TIMELESS: variants seen among roughly 807,000 people sequenced by gnomAD.
The protein encoded by TIMELESS is timeless circadian regulator, also known as protein timeless homolog.
In TIMELESS, 124 loss-of-function variants were observed where a neutral mutation model predicts 164.3. That is an observed-to-expected ratio of 0.75 (90% confidence interval 0.65 to 0.88). The LOEUF (loss-of-function observed/expected upper bound fraction) is 0.88. TIMELESS is among the 40% of genes least tolerant of loss of function. TIMELESS has a pLI of 0.00. For missense variants in TIMELESS, 1,422 were observed against 1,491.4 expected (o/e 0.95, Z 0.77); for synonymous variants, 564 against 563.4 (o/e 1.00, Z -0.02).
intron 1 of TIMELESS, among the ~76,000 whole-genome samples, chr12:56,436,175 T>C (rs962590806): frequency 1.3e-5 from 2 of 152,082 alleles, no homozygotes; most frequent in Non-Finnish European, 2.9e-5. Flanking sequence ...AAGTCTTGGC[T>C]GGGCGTAGTA....
chr12:56,435,532 A>C (rs1163085903), intron 1 of TIMELESS, among the ~76,000 whole-genome samples: 1 of 152,120 alleles, frequency 6.6e-6, no homozygotes, highest in Non-Finnish European at 1.5e-5. Flanking sequence ...CCTTTTAAAA[A>C]ATTTTTGTAG....
chr12:56,433,608 T>C lies in TIMELESS; in HGVS notation c.296A>G (p.Asn99Ser). 6.2e-7 allele frequency: 1 copy of C among 1,614,164 alleles called. No individual in the cohort carries two copies. Among genetic ancestry groups the C allele is most frequent in the East Asian group, 2.2e-5 (1 of 44,886 alleles). ...LTQPALLCFG[N>S]LPKEPSFRHH... ...CCGAAAGCTGGGCTCCTTAGGCAGA[T>C]TGCCAAAACAGAGCAAGGCTGGTTG... is the stretch of plus-strand genomic sequence containing the variant. The change falls in exon 4 of 29, where the codon AAT (asparagine) becomes AGT (serine). Residue 99 changes from asparagine to serine, a missense_variant. Transcript: ENST00000553532.
At chr12:56,424,263 T>G (rs1174518411) in intron 15 of TIMELESS, among the ~76,000 whole-genome samples, 1 of 152,208 alleles carries the variant, frequency 6.6e-6, no homozygotes, top group African/African-American at 2.4e-5. Flanking sequence ...ATTTCATTTT[T>G]GTAAAACAAG....
At position 56,421,967 on chromosome 12, in the gene TIMELESS, T is replaced by C. The variant is rs1332515047; in HGVS notation, c.2574A>G (p.Arg858=). ...GATGGTGGATGATCTGCTTGCGTGT[T>C]CGAGGAACAGTATTCAGGTGGGCCA... The part of the protein sequence containing the change: ...AILAHLNTVP[R]TRKQIIHHLV... Residue 858 remains arginine, a synonymous_variant, in exon 21 of 29, where the codon CGA becomes CGG. Transcript: ENST00000553532. The C allele has an allele frequency of 8.1e-6, 13 of 1,614,150 alleles. No homozygotes were observed. The highest frequency in any genetic ancestry group is 1.1e-5 in the Non-Finnish European group (13 of 1,180,034).
intron 1 of TIMELESS, among the ~76,000 whole-genome samples, chr12:56,442,922 C>T (rs948006267): frequency 6.6e-6 from 1 of 152,182 alleles, no homozygotes; most frequent in Non-Finnish European, 1.5e-5. Context: ...TATCACTTCC[C>T]CAATCAATAC....
chr12:56,423,553 C>G, intron 17 of TIMELESS, 31 bp downstream of exon 17: 4 of 1,613,542 alleles, frequency 2.5e-6, no homozygotes, highest in Non-Finnish European at 3.4e-6. Flanking sequence ...AATCGCCACT[C>G]TAGGACCAAC....
intron 18 of TIMELESS, 100 bp downstream of exon 18, chr12:56,423,174 G>C: frequency 6.8e-7 from 1 of 1,466,006 alleles, no homozygotes; most frequent in Non-Finnish European, 9.3e-7. Flanking sequence ...CCATCTCCCA[G>C]CCCTTGACAC....
At position 56,425,970 on chromosome 12, in the gene TIMELESS, C is replaced by T. The variant is rs115827910; in HGVS notation, c.1579-818G>A. Among the ~76,000 whole-genome samples the T allele has an allele frequency of 2.5e-3, 374 of 152,222 alleles. 1 individual carries two copies. Among genetic ancestry groups the T allele is most frequent in the African/African-American group, 8.8e-3 (365 of 41,538 alleles). On this transcript the variant is annotated intron_variant, in intron 13 of 28. Transcript: ENST00000553532. ...CTTCTCCCAAGTCAGGGCTGTGAAC[C>T]AGTCTTTGGTGTGGGTACTGAAAAG...
intron 1 of TIMELESS, 60 bp from the exon 2 acceptor site, chr12:56,434,291 C>T: frequency 1.3e-6 from 1 of 772,898 alleles, no homozygotes; most frequent in African/African-American, 1.7e-5. Flanking sequence ...AAGATAGGAA[C>T]AGGACGAGGC....
chr12:56,430,304 T>C (rs1157222360), intron 9 of TIMELESS, 23 bp from the exon 10 acceptor site: 22 of 1,603,658 alleles, frequency 1.4e-5, no homozygotes, highest in African/African-American at 1.2e-4. Context: ...GTTGGGGGAT[T>C]AGAATTACTC....
rs200957081 is a variant in TIMELESS at position 56,428,884 on chromosome 12, G to A, written c.1303C>T (p.Arg435Trp). 325 of 1,613,222 alleles carry A rather than the reference G, an allele frequency of 2.0e-4. No homozygotes were observed. The highest frequency in any genetic ancestry group is 2.6e-4 in the Non-Finnish European group (302 of 1,179,926). ...DRKEAASWAR[R>W]MHLALKAYQE... ...ATCTCCAGTAACCATCCCACTCACC[G>A]GCGTGCCCAGGAGGCAGCTTCCTTG... Residue 435 changes from arginine (R) to tryptophan (W), a missense_variant and splice_region_variant, in exon 11 of 29, where the codon CGG (arginine) becomes TGG (tryptophan). Arg to Trp is a moderately radical substitution (Grantham distance 101, BLOSUM62 -3). Transcript: ENST00000553532.
Position 56,429,062 on chromosome 12 carries a change from C to A in TIMELESS, c.1125G>T (p.Glu375Asp). 6.2e-7 allele frequency: 1 copy of A among 1,613,996 alleles called. No homozygotes were observed. Among genetic ancestry groups the A allele is most frequent in the South Asian group, 1.1e-5 (1 of 91,074 alleles). The change falls in exon 11 of 29, where the codon GAG becomes GAT. Residue 375 changes from glutamate to aspartate, a missense_variant. Glu to Asp is a conservative substitution (Grantham distance 45). Coordinates refer to ENST00000553532, the MANE Select transcript of TIMELESS (RefSeq NM_003920.5). ...LLREKAQQHD[E>D]TYYMWALAFF... ...AAGCCAAGGCCCACATATAATAGGT[C>A]TCATCATGCTGCTGAGCTTTCTCCC...
chr12:56,421,357 G>C lies in TIMELESS; in HGVS notation c.2862C>G (p.Ser954=), dbSNP rs201679897. 612 of 1,613,806 alleles carry C rather than the reference G, an allele frequency of 3.8e-4. 1 individual carries two copies. Among genetic ancestry groups the C allele is most frequent in the Non-Finnish European group, 4.6e-4 (539 of 1,179,828 alleles). The part of the protein sequence containing the change: ...YKKRQKKLAS[S]ILPNGAESLK... ...GCTAGGGTCAGATTGTTACCAAGAT[G>C]GAGGATGCCAACTTTTTCTGCCGTT... Residue 954 remains serine, a synonymous_variant, in exon 23 of 29, where the codon TCC becomes TCG. Coordinates refer to ENST00000553532, the MANE Select transcript of TIMELESS (RefSeq NM_003920.5).
At chr12:56,441,131 T>A (rs1868268956) in intron 1 of TIMELESS, among the ~76,000 whole-genome samples, 1 of 152,190 alleles carries the variant, frequency 6.6e-6, no homozygotes, top group Non-Finnish European at 1.5e-5. Context: ...GTTTGTTGAA[T>A]CTAATGATGA....
intron 1 of TIMELESS, among the ~76,000 whole-genome samples, chr12:56,436,411 G>A (rs1288110975): frequency 4.0e-5 from 6 of 151,332 alleles, no homozygotes; most frequent in South Asian, 4.2e-4. Context: ...CCGAGATCAC[G>A]CCACCACACT....
rs140450050 is a variant in TIMELESS, at chr12:56,424,850, C to T, written c.1780G>A (p.Glu594Lys). 2.0e-4 allele frequency: 325 copies of T among 1,614,246 alleles called. No homozygotes were observed. Among genetic ancestry groups the T allele is most frequent in the Non-Finnish European group, 2.6e-4 (307 of 1,180,050 alleles). ...CGTACCATAGCTTCTGCCCGCTGCT[C>T]CTCCACTGGCACCTCTGAGGCCGCA... is the stretch of plus-strand genomic sequence containing the variant. ...FDAASEVPVEEQRAEAMVRIQ... is the reference protein window; with the variant it reads ...FDAASEVPVEKQRAEAMVRIQ... The change falls in exon 15 of 29, where the codon GAG (glutamate) becomes AAG (lysine). Residue 594 changes from glutamate to lysine, a missense_variant. Glu to Lys is a moderately conservative substitution (Grantham distance 56, BLOSUM62 1). Coordinates refer to ENST00000553532, the MANE Select transcript of TIMELESS (RefSeq NM_003920.5).
At chr12:56,420,033 T>A (rs868267527) in intron 26 of TIMELESS, among the ~76,000 whole-genome samples, 1,140 of 34,626 alleles carry the variant, frequency 0.033, no homozygotes, top group South Asian at 0.044. Context: ...AAAAAAAATA[T>A]ATATATATAT....
chr12:56,447,905 A>G (rs1405508040), intron 1 of TIMELESS, among the ~76,000 whole-genome samples: 1 of 152,078 alleles, frequency 6.6e-6, no homozygotes, highest in Middle Eastern at 3.2e-3. Context: ...AACAGCAGGA[A>G]CTAAGTACTG....
chr12:56,420,203 G>C (rs185910858), intron 26 of TIMELESS, among the ~76,000 whole-genome samples: 1 of 151,358 alleles, frequency 6.6e-6, no homozygotes, highest in African/African-American at 2.4e-5. Context: ...TTGTACCTAG[G>C]TTATTTACAA....
Sources: allele counts gnomAD v4.1 joint callset (sites outside exome capture counted in the v4.1 genomes callset), GRCh38; gene constraint gnomAD v4.1.1; transcripts MANE v1.5; gene names NCBI Gene and HGNC (gene_info 2026-07-23, HGNC 2026-07-21).